UBR3: variants seen among roughly 807,000 people sequenced by gnomAD.
The protein encoded by UBR3 is E3 ubiquitin-protein ligase UBR3.
In UBR3, 85 loss-of-function variants were observed where a neutral mutation model predicts 243.2. That is an observed-to-expected ratio of 0.35 (90% CI 0.29 to 0.42). UBR3 has a LOEUF of 0.42. Ranked by LOEUF, UBR3 falls within the 10% of genes least tolerant of loss-of-function variation. The pLI is 1.00. For missense variants in UBR3, 1,686 were observed against 2,300.8 expected (o/e 0.73, Z 5.47); for synonymous variants, 748 against 799.8 (o/e 0.94, Z 1.09).
At chr2:170,054,258 G>A (rs886958283) in intron 32 of UBR3, among the ~76,000 whole-genome samples, 1 of 151,142 alleles carries the variant, frequency 6.6e-6, no homozygotes, top group Non-Finnish European at 1.5e-5. Context: ...TAGCTAGGAT[G>A]ACAGGTGCTT....
At chr2:169,881,910 TGTATA>T (rs1335756234) in intron 5 of UBR3, among the ~76,000 whole-genome samples, 2 of 45,932 alleles carry the variant, frequency 4.4e-5, no homozygotes, top group African/African-American at 8.5e-5. Context: ...TATAGGTATA[TGTATA>T]TGTATACATG....
rs771202969 is a variant in UBR3, at chr2:169,884,442, C to T, written c.1038+5868C>T. ...GGTTTACAGGCGTGAGCCATGGCTC[C>T]CAGCCAAGAGTTGACTTTTAACTTT... On this transcript the variant is annotated intron_variant, in intron 5 of 38. Transcript: ENST00000272793. 2.6e-5 allele frequency among the ~76,000 whole-genome samples: 4 copies of T among 152,116 alleles called. No homozygotes were observed. The East Asian group carries it at 7.7e-4, about 29-fold the overall frequency.
chr2:169,894,113 TAAA>T (rs2105326513), intron 6 of UBR3, among the ~76,000 whole-genome samples: 1 of 151,940 alleles, frequency 6.6e-6, no homozygotes, highest in Non-Finnish European at 1.5e-5. Context: ...TTGCTAATAA[TAAA>T]GAAATGTAGC....
chr2:169,932,855 A>G, intron 18 of UBR3, 57 bp from the exon 19 acceptor site: 3 of 1,349,972 alleles, frequency 2.2e-6, no homozygotes, highest in African/African-American at 1.5e-5. Flanking sequence ...TAATAAGTCA[A>G]TAAATATTGA....
At chr2:169,950,910 C>G (rs956611723) in intron 23 of UBR3, among the ~76,000 whole-genome samples, 1 of 151,672 alleles carries the variant, frequency 6.6e-6, no homozygotes, top group African/African-American at 2.4e-5. Flanking sequence ...AAGAGCATGC[C>G]TTCTAATGAG....
chr2:169,868,634 A>G (rs1160443729), intron 1 of UBR3, among the ~76,000 whole-genome samples: 1 of 151,980 alleles, frequency 6.6e-6, no homozygotes, highest in Admixed American at 6.6e-5. Context: ...ATTCACTTTT[A>G]GTGATAATCA....
intron 6 of UBR3, among the ~76,000 whole-genome samples, chr2:169,892,826 G>A (rs760808042): frequency 6.6e-6 from 1 of 152,172 alleles, no homozygotes; most frequent in Admixed American, 6.5e-5. Flanking sequence ...CTCTAAACCT[G>A]CATTTTAAGG....
chr2:169,835,914 A>G (rs2105278956), intron 1 of UBR3, among the ~76,000 whole-genome samples: 2 of 150,990 alleles, frequency 1.3e-5, no homozygotes, highest in African/African-American at 4.9e-5. Flanking sequence ...TCAAAAAACC[A>G]AAGAAAGGTC....
At chr2:169,839,318 T>G (rs1462334363) in intron 1 of UBR3, among the ~76,000 whole-genome samples, 4 of 152,068 alleles carry the variant, frequency 2.6e-5, no homozygotes, top group Non-Finnish European at 2.9e-5. Context: ...GTTAAAAAAG[T>G]GGATCTCATG....
chr2:169,947,960 T>A (rs1255100450), intron 22 of UBR3: 1 of 984,924 alleles, frequency 1.0e-6, no homozygotes, highest in African/African-American at 1.7e-5. Context: ...GATATTTTCA[T>A]TAACTAGCAA....
At position 170,050,118 on chromosome 2, in the gene UBR3, T is replaced by C. The variant is rs114795492; in HGVS notation, c.4661-5342T>C. Among the ~76,000 whole-genome samples the C allele has an allele frequency of 3.6e-3, 550 of 152,312 alleles. 2 individuals are homozygous for C. Among genetic ancestry groups the C allele is most frequent in the Non-Finnish European group, 5.7e-3 (391 of 68,014 alleles). ...TGTTAGACGGACTTGGTATCTTTTCTTGGTTCTATGTTGACTAAGGCAAAT... is the reference window on the plus strand; with the variant it reads ...TGTTAGACGGACTTGGTATCTTTTCCTGGTTCTATGTTGACTAAGGCAAAT... On this transcript the variant is annotated intron_variant, in intron 32 of 38. Transcript: ENST00000272793.
chr2:169,907,754 C>T (rs1344499300), intron 10 of UBR3, among the ~76,000 whole-genome samples: 5 of 151,742 alleles, frequency 3.3e-5, no homozygotes, highest in African/African-American at 1.2e-4. Context: ...TCTCATAATT[C>T]GTTATCTTTT....
Position 169,932,918 on chromosome 2 carries a change from T to A in UBR3, c.2573T>A (p.Val858Asp). The A allele has an allele frequency of 6.5e-7, 1 of 1,544,386 alleles. No homozygotes were observed. Residue 858 changes from valine (V) to aspartate (D), a missense_variant, in exon 19 of 39, where the codon GTC becomes GAC. By Grantham distance (152) the Val-to-Asp change is radical. Around this residue, in one of 8 missense-constraint regions of UBR3, gnomAD observed 346 missense variants for 585.8 expected, o/e 0.59. Coordinates refer to ENST00000272793, the MANE Select transcript of UBR3 (RefSeq NM_172070.4). ...QQGMYTPKAEVWDQEFDPVMV... is the reference protein window; with the variant it reads ...QQGMYTPKAEDWDQEFDPVMV... ...ACTTTCTTTTGAATAATAGCTGAAGTCTGGGATCAAGAGTTTGACCCCGTC... is the reference window on the plus strand; with the variant it reads ...ACTTTCTTTTGAATAATAGCTGAAGACTGGGATCAAGAGTTTGACCCCGTC...
chr2:169,885,075 C>T (rs536775412), intron 5 of UBR3, among the ~76,000 whole-genome samples: 2 of 152,160 alleles, frequency 1.3e-5, no homozygotes, highest in East Asian at 3.9e-4. Flanking sequence ...GACATATTTG[C>T]TTTAGTATTT....
chr2:170,072,597 T>C (rs1400225048), intron 35 of UBR3, among the ~76,000 whole-genome samples: 1 of 151,756 alleles, frequency 6.6e-6, no homozygotes, highest in African/African-American at 2.4e-5. Context: ...AAAAAAGTAA[T>C]AGGAACATAA....
rs558648046 is a variant in UBR3, at chr2:170,078,376, G to A, written c.5200-1438G>A. 1.3e-4 allele frequency: 30 copies of A among 238,024 alleles called. No homozygotes were observed. The East Asian group carries it at 2.2e-3, about 17-fold the overall frequency. 14.7% of individuals were successfully genotyped at this position (238,024 alleles called of 1,614,324 possible). On this transcript the variant is annotated intron_variant, in intron 36 of 38. Coordinates refer to ENST00000272793, the MANE Select transcript of UBR3 (RefSeq NM_172070.4). ...CCCACGAGTGAACTCCACACAGGCCGCAACAGGAAAGGCAAGACCGAATTT... is the reference window on the plus strand; with the variant it reads ...CCCACGAGTGAACTCCACACAGGCCACAACAGGAAAGGCAAGACCGAATTT...
chr2:170,055,428 C>G (rs2091311676), intron 32 of UBR3, 32 bp from the exon 33 acceptor site: 1 of 1,603,236 alleles, frequency 6.2e-7, no homozygotes. Context: ...TATCTAGATT[C>G]CAAAGAAATA....
At chr2:169,958,698 T>C (rs1383362463) in intron 24 of UBR3, among the ~76,000 whole-genome samples, 172 bp downstream of exon 24, 2 of 152,182 alleles carry the variant, frequency 1.3e-5, no homozygotes, top group Non-Finnish European at 2.9e-5. Flanking sequence ...AGACTTTTAT[T>C]ATATTCTGTT....
chr2:170,008,097 GA>G (rs1421551491), intron 28 of UBR3, among the ~76,000 whole-genome samples: 2 of 152,160 alleles, frequency 1.3e-5, no homozygotes, highest in African/African-American at 4.8e-5. Context: ...TCACAAGTCA[GA>G]CTACTGTAGG....
Sources: allele counts gnomAD v4.1 joint callset (sites outside exome capture counted in the v4.1 genomes callset), GRCh38; gene constraint gnomAD v4.1.1; regional missense constraint gnomAD v4.1.1; transcripts MANE v1.5; gene names NCBI Gene and HGNC (gene_info 2026-07-23, HGNC 2026-07-21).